Variants in FSTL5 observed in about 807,000 individuals in gnomAD.
FSTL5 encodes the protein follistatin-related protein 5.
FSTL5 carries 62 observed loss-of-function variants against 89.1 expected under a neutral mutation model. The ratio of observed to expected loss-of-function variants is 0.70; its 90% CI spans 0.57 to 0.86. FSTL5 has a LOEUF of 0.86. Among genes scored for constraint, FSTL5 ranks in the 40% least tolerant of loss-of-function variants. FSTL5 has a pLI of 0.00. For missense variants in FSTL5, 1,057 were observed against 1,001.6 expected, an observed-to-expected ratio of 1.06 and a Z score of -0.75; for synonymous variants, 383 against 346.2, an observed-to-expected ratio of 1.11 and a Z score of -1.18.
chr4:162,079,762 A>G (rs1730014736), intron 2 of FSTL5, among the ~76,000 whole-genome samples: 1 of 151,504 alleles, frequency 6.6e-6, no homozygotes, highest in South Asian at 2.1e-4. Context: ...GAAGAAAAAA[A>G]CTACATAATC....
chr4:161,567,730 T>C (rs984148796), intron 8 of FSTL5, among the ~76,000 whole-genome samples: 3 of 152,116 alleles, frequency 2.0e-5, no homozygotes, highest in Admixed American at 6.6e-5. Flanking sequence ...AAGTCAATCA[T>C]AGGTGAATAA....
At chr4:161,955,646 A>G (rs1735007141) in intron 3 of FSTL5, among the ~76,000 whole-genome samples, 2 of 151,880 alleles carry the variant, frequency 1.3e-5, no homozygotes, top group South Asian at 4.1e-4. Flanking sequence ...ATCAAAATGT[A>G]ATAGTAGTAT....
chr4:162,098,181 C>T (rs1026441517), intron 2 of FSTL5, among the ~76,000 whole-genome samples: 1 of 151,804 alleles, frequency 6.6e-6, no homozygotes, highest in South Asian at 2.1e-4. Flanking sequence ...ATAGATGAAT[C>T]TCAATATTAT....
chr4:161,806,408 T>C (rs1461582777), intron 4 of FSTL5, among the ~76,000 whole-genome samples: 1 of 151,914 alleles, frequency 6.6e-6, no homozygotes, highest in Admixed American at 6.6e-5. Context: ...CTAATAAGGA[T>C]CAAGAGGGAT....
At chr4:161,538,556 C>T (rs1731712163) in intron 9 of FSTL5, among the ~76,000 whole-genome samples, 2 of 152,060 alleles carry the variant, frequency 1.3e-5, no homozygotes, top group Non-Finnish European at 1.5e-5. Context: ...CTATATTCTA[C>T]ATTGTATATG....
intron 2 of FSTL5, chr4:162,043,414 T>C (rs1738047550): frequency 6.6e-6 from 1 of 152,170 alleles, no homozygotes; most frequent in African/African-American, 2.4e-5. Context: ...TCAATGTGCA[T>C]ACTTTAATCA....
At chr4:162,041,406 A>G (rs1181731019) in intron 2 of FSTL5, among the ~76,000 whole-genome samples, 2 of 152,094 alleles carry the variant, frequency 1.3e-5, no homozygotes, top group African/African-American at 4.8e-5. Flanking sequence ...GTATGTTTCA[A>G]TGATTCATGG....
At chr4:161,683,627 A>T (rs1391099445) in intron 6 of FSTL5, among the ~76,000 whole-genome samples, 1 of 152,224 alleles carries the variant, frequency 6.6e-6, no homozygotes, top group Non-Finnish European at 1.5e-5. Context: ...CAATAATTAT[A>T]TGAAAATTTT....
intron 8 of FSTL5, among the ~76,000 whole-genome samples, chr4:161,559,513 A>G (rs1199921718): frequency 6.6e-6 from 1 of 151,930 alleles, no homozygotes. Context: ...TTTTGAACAG[A>G]CAATGCATTC....
intron 7 of FSTL5, among the ~76,000 whole-genome samples, chr4:161,645,275 C>A (rs1204135609): frequency 6.6e-6 from 1 of 152,014 alleles, no homozygotes; most frequent in Non-Finnish European, 1.5e-5. Context: ...AATTATGTTT[C>A]TATGTTAATA....
At chr4:161,585,709 T>A (rs115648553) in intron 8 of FSTL5, among the ~76,000 whole-genome samples, 1 of 152,000 alleles carries the variant, frequency 6.6e-6, no homozygotes, top group Non-Finnish European at 1.5e-5. Context: ...CCATGGATGC[T>A]GCATTTACCT....
intron 4 of FSTL5, among the ~76,000 whole-genome samples, chr4:161,902,293 C>A (rs1000036266): frequency 3.3e-5 from 5 of 152,104 alleles, no homozygotes; most frequent in African/African-American, 1.2e-4. Flanking sequence ...TAGAGAATCC[C>A]ACTGACATGA....
At chr4:162,016,488 G>C (rs997426138) in intron 3 of FSTL5, among the ~76,000 whole-genome samples, 1 of 152,068 alleles carries the variant, frequency 6.6e-6, no homozygotes, top group African/African-American at 2.4e-5. Context: ...CATTCCCTAG[G>C]GCTCATTCTG....
chr4:161,571,961 T>C (rs1578934872), intron 8 of FSTL5, among the ~76,000 whole-genome samples: 1 of 152,142 alleles, frequency 6.6e-6, no homozygotes, highest in Admixed American at 6.6e-5. Context: ...AGAGACACAA[T>C]AAACGTATTT....
In FSTL5 at chr4:161,384,556, GA is replaced by G. The variant is rs1730546448; in HGVS notation, c.*1190del. 1 of 152,108 alleles carries G rather than the reference GA, an allele frequency of 6.6e-6. No individual in the cohort carries two copies. The highest frequency in any genetic ancestry group is 2.4e-5 in the African/African-American group (1 of 41,430). 9.4% of individuals were successfully genotyped at this position (152,108 alleles called of 1,614,324 possible). A position where few individuals can be genotyped will look rare whatever the true frequency, so the allele number is the denominator to read the frequency against. On this transcript the variant is annotated 3_prime_UTR_variant, in exon 16 of 16. Transcript: ENST00000306100. ...GGTTTCAAACTACAGCACATAGTGA[GA>G]AGATGCTTTTAGGATTACAAGAAGA... is the stretch of plus-strand genomic sequence containing the variant.
chr4:161,537,844 T>A (rs1268631207), intron 10 of FSTL5, among the ~76,000 whole-genome samples: 1 of 152,108 alleles, frequency 6.6e-6, no homozygotes, highest in Admixed American at 6.6e-5. Context: ...GGGCCTTGAA[T>A]TCCCCACATT....
chr4:161,521,714 T>A (rs941472335), intron 10 of FSTL5, among the ~76,000 whole-genome samples: 8 of 151,602 alleles, frequency 5.3e-5, no homozygotes, highest in African/African-American at 1.9e-4. Flanking sequence ...CCAGGCTTGG[T>A]GGCAGGTGCC....
intron 1 of FSTL5, 25 bp from the exon 2 acceptor site, chr4:162,111,437 A>G (rs1181631723): frequency 6.5e-7 from 1 of 1,542,936 alleles, no homozygotes; most frequent in South Asian, 1.2e-5. Context: ...ATTGCAAGGA[A>G]TCAGAGAAAA....
intron 3 of FSTL5, among the ~76,000 whole-genome samples, chr4:161,969,576 C>A (rs914502639): frequency 2.0e-5 from 3 of 152,008 alleles, no homozygotes; most frequent in African/African-American, 7.2e-5. Flanking sequence ...AAAAAAAATA[C>A]AGTGATACAA....
Sources: gnomAD v4.1 joint callset for allele counts (sites outside exome capture counted in the v4.1 genomes callset) on GRCh38, gnomAD v4.1.1 for gene constraint, MANE v1.5 for transcripts, NCBI Gene and HGNC (gene_info 2026-07-23, HGNC 2026-07-21) for gene names.